The following NME9 variants were observed in gnomAD, a reference collection of about 807,000 sequenced individuals.
The protein encoded by NME9 is NME/NM23 family member 9.
In NME9, 48 loss-of-function variants were observed where a neutral mutation model predicts 44.4. The ratio of observed to expected loss-of-function variants is 1.08; its 90% confidence interval spans 0.86 to 1.37. NME9 has a LOEUF of 1.37. NME9 is among the 40% of genes most tolerant of loss of function. NME9 has a pLI of 0.00. For missense variants in NME9, 325 were observed against 405.2 expected (o/e 0.80, Z 1.70); for synonymous variants, 139 against 147.1 (o/e 0.94, Z 0.40).
At chr3:138,315,488 C>T (rs1365734871) in intron 5 of NME9, 39 bp downstream of exon 5, 1 of 1,402,202 alleles carries the variant, frequency 7.1e-7, no homozygotes. Flanking sequence ...TACTAGCGCA[C>T]TTGTGAGTTA....
chr3:138,285,063 C>T (rs1344709747), intron 8 of NME9, among the ~76,000 whole-genome samples: 6 of 152,298 alleles, frequency 3.9e-5, no homozygotes, highest in Non-Finnish European at 7.4e-5. Flanking sequence ...AGGAAGCCTC[C>T]CCTTGTCACA....
chr3:138,264,813 T>C (rs1354743049), intron 8 of NME9, among the ~76,000 whole-genome samples: 1 of 146,592 alleles, frequency 6.8e-6, no homozygotes, highest in Admixed American at 6.7e-5. Flanking sequence ...AGAATTATCC[T>C]TGTAATTTTT....
In NME9 at chr3:138,329,635, A is replaced by T; in HGVS notation, c.-300T>A. On this transcript the variant is annotated 5_prime_UTR_variant, in exon 1 of 11. Transcript: ENST00000333911. The stretch of plus-strand genomic sequence containing the variant: ...CCGGAGCCGGCCAGGGGGCGCGCGC[A>T]GAGGCCGGAGTCAGTGCGCCGGGCG... The T allele has an allele frequency of 7.9e-7, 1 of 1,262,978 alleles. No homozygotes were observed. The highest frequency in any genetic ancestry group is 1.0e-6 in the Non-Finnish European group (1 of 1,001,976). 78.2% of individuals were successfully genotyped at this position (1,262,978 alleles called of 1,614,324 possible).
chr3:138,273,035 A>G (rs746864519), intron 8 of NME9: 3 of 1,613,306 alleles, frequency 1.9e-6, no homozygotes, highest in African/African-American at 2.7e-5. Context: ...CTGAACAGCT[A>G]TTCCGGTTAT....
chr3:138,318,580 T>A (rs1237592768), intron 3 of NME9, among the ~76,000 whole-genome samples: 1 of 151,288 alleles, frequency 6.6e-6, no homozygotes, highest in African/African-American at 2.4e-5. Flanking sequence ...GCATAAGAGA[T>A]CCCCCACGCA....
exon 9 of NME9, chr3:138,262,331 A>G: frequency 1.7e-6 from 1 of 582,524 alleles, no homozygotes; most frequent in Non-Finnish European, 3.0e-6. Flanking sequence ...GAGTAGATCA[A>G]TATGTAAATG....
chr3:138,271,253 A>AT (rs1157287275), intron 8 of NME9, among the ~76,000 whole-genome samples: 1 of 151,928 alleles, frequency 6.6e-6, no homozygotes, highest in Non-Finnish European at 1.5e-5. Context: ...CCCAGGACTT[A>AT]TTTTTTTTAA....
chr3:138,322,014 G>C (rs142020945), intron 2 of NME9, among the ~76,000 whole-genome samples: 1 of 151,910 alleles, frequency 6.6e-6, no homozygotes. Context: ...CAGCATCCAC[G>C]TAGAGGATAA....
chr3:138,264,102 G>A lies in NME9; in HGVS notation c.746-1516C>T, dbSNP rs368111389. On this transcript the variant is annotated intron_variant, in intron 8 of 8. Coordinates refer to the NME9 transcript ENST00000317876. ...TGAAAAGTAAAAGTTTTGATTTCTT[G>A]TGAAGCTAATTTTGATTATTCTTTG... The A allele has an allele frequency of 3.8e-6, 6 of 1,595,198 alleles. No individual in the cohort carries two copies. In the African/African-American group the frequency reaches 4.0e-5, roughly 11 times the overall value.
chr3:138,285,160 G>T (rs1272278891), intron 8 of NME9, among the ~76,000 whole-genome samples: 2 of 152,166 alleles, frequency 1.3e-5, no homozygotes, highest in African/African-American at 4.8e-5. Flanking sequence ...GCTCCTCCTA[G>T]TGTCCTTCAG....
chr3:138,280,187 A>C (rs1159318016), intron 8 of NME9, among the ~76,000 whole-genome samples: 1 of 152,108 alleles, frequency 6.6e-6, no homozygotes, highest in Non-Finnish European at 1.5e-5. Context: ...TACAGACATG[A>C]GCCACTGTGC....
At chr3:138,305,209 G>C (rs999065435) in intron 8 of NME9, among the ~76,000 whole-genome samples, 182 bp from the exon 9 acceptor site, 3 of 152,182 alleles carry the variant, frequency 2.0e-5, no homozygotes, top group African/African-American at 7.2e-5. Context: ...TGCCTGCTGT[G>C]GAGGGTGTCA....
intron 8 of NME9, among the ~76,000 whole-genome samples, chr3:138,291,506 G>A (rs989363894): frequency 9.9e-5 from 15 of 152,132 alleles, no homozygotes; most frequent in Non-Finnish European, 2.1e-4. Flanking sequence ...GAGATATAAT[G>A]GTGAATAAAA....
intron 8 of NME9, among the ~76,000 whole-genome samples, chr3:138,269,777 A>G (rs1276766597): frequency 3.3e-5 from 5 of 151,708 alleles, no homozygotes; most frequent in South Asian, 2.1e-4. Flanking sequence ...CAGGACTACA[A>G]GGATAAAAGG....
intron 8 of NME9, chr3:138,263,949 A>G: frequency 9.8e-7 from 1 of 1,018,016 alleles, no homozygotes; most frequent in Non-Finnish European, 1.5e-6. Flanking sequence ...GAATTCATAG[A>G]GTATATAACA....
At chr3:138,309,000 G>T (rs115896330) in intron 6 of NME9, among the ~76,000 whole-genome samples, 1,982 of 143,388 alleles carry the variant, frequency 0.014, 47 homozygotes, top group African/African-American at 0.049. Context: ...ACCCAGCAAA[G>T]CTATCCTTCA....
intron 8 of NME9, chr3:138,290,676 T>C: frequency 7.1e-7 from 1 of 1,415,426 alleles, no homozygotes; most frequent in Non-Finnish European, 9.8e-7. Context: ...CTTTGGGCTG[T>C]GTTGGATTCT....
intron 8 of NME9, among the ~76,000 whole-genome samples, chr3:138,288,623 C>G (rs2050643675): frequency 6.7e-6 from 1 of 149,492 alleles, no homozygotes; most frequent in African/African-American, 2.4e-5. Flanking sequence ...AGTTTGAGGA[C>G]TCTTCTTCAG....
intron 6 of NME9, among the ~76,000 whole-genome samples, chr3:138,307,233 A>G (rs1462702012): frequency 6.6e-6 from 1 of 152,252 alleles, no homozygotes; most frequent in African/African-American, 2.4e-5. Flanking sequence ...TTGAATAAGC[A>G]TCCACCAGTC....
Sources: gnomAD v4.1 joint callset for allele counts (sites outside exome capture counted in the v4.1 genomes callset) on GRCh38, gnomAD v4.1.1 for gene constraint, MANE v1.5 for transcripts, NCBI Gene and HGNC (gene_info 2026-07-23, HGNC 2026-07-21) for gene names.